HIVEP3: variants seen among roughly 807,000 people sequenced by gnomAD.
HIVEP3 encodes the protein HIVEP zinc finger 3, also known as transcription factor HIVEP3.
Under a neutral mutation model 152.8 loss-of-function variants are expected in HIVEP3, and 49 were observed. The observed-to-expected ratio is 0.32, with a 90% CI of 0.26 to 0.41. The LOEUF is 0.41. Among genes scored for constraint, HIVEP3 ranks in the 10% least tolerant of loss-of-function variants. The probability of loss-of-function intolerance (pLI) is 1.00; values close to 1 mark genes in which losing one functional copy is unlikely to be tolerated. For missense variants in HIVEP3, 2,790 were observed against 3,103.3 expected (o/e 0.90, Z 2.40); for synonymous variants, 1,269 against 1,289.0 (o/e 0.98, Z 0.33).
At chr1:41,827,863 G>T (rs1226853272) in intron 1 of HIVEP3, among the ~76,000 whole-genome samples, 1 of 151,962 alleles carries the variant, frequency 6.6e-6, no homozygotes, top group Non-Finnish European at 1.5e-5. Flanking sequence ...GCAGGGCTTG[G>T]GGGGCATGGG....
intron 1 of HIVEP3, among the ~76,000 whole-genome samples, chr1:41,933,694 T>C (rs949480330): frequency 1.3e-5 from 2 of 152,112 alleles, no homozygotes; most frequent in Non-Finnish European, 2.9e-5. Context: ...AATTAAAATC[T>C]ATTTTGCTAG....
At chr1:41,819,079 T>C (rs1024916465) in intron 1 of HIVEP3, among the ~76,000 whole-genome samples, 3 of 152,212 alleles carry the variant, frequency 2.0e-5, no homozygotes, top group African/African-American at 7.2e-5. Flanking sequence ...CACTAATAAA[T>C]TGTAGAATCG....
intron 5 of HIVEP3, among the ~76,000 whole-genome samples, chr1:41,532,732 G>A (rs1643298845): frequency 6.6e-6 from 1 of 152,146 alleles, no homozygotes; most frequent in Admixed American, 6.5e-5. Flanking sequence ...AGCTTGGGGG[G>A]AAGTGATGGA....
intron 5 of HIVEP3, 75 bp downstream of exon 5, chr1:41,575,466 ACTG>A: frequency 6.6e-7 from 1 of 1,504,766 alleles, no homozygotes; most frequent in East Asian, 2.3e-5. Context: ...CAACTGAGCC[ACTG>A]CTGCCCGTGA....
intron 1 of HIVEP3, among the ~76,000 whole-genome samples, chr1:41,740,152 G>A (rs1367074773): frequency 1.3e-5 from 2 of 152,234 alleles, no homozygotes; most frequent in East Asian, 3.8e-4. Flanking sequence ...GCTGGCCAGT[G>A]GACGGGATGA....
chr1:41,851,271 G>A (rs953638704), intron 1 of HIVEP3, among the ~76,000 whole-genome samples: 1 of 141,670 alleles, frequency 7.1e-6, no homozygotes, highest in Non-Finnish European at 1.5e-5. Context: ...AATGATGAGA[G>A]AGCACCTTCT....
At chr1:41,667,677 T>G (rs898536657) in intron 2 of HIVEP3, among the ~76,000 whole-genome samples, 1 of 152,230 alleles carries the variant, frequency 6.6e-6, no homozygotes, top group East Asian at 1.9e-4. Context: ...TGTGGGTGCA[T>G]GTCCTGGTCC....
chr1:42,034,727 C>T (rs1038201495), intron 1 of HIVEP3, among the ~76,000 whole-genome samples: 2 of 152,182 alleles, frequency 1.3e-5, no homozygotes, highest in African/African-American at 4.8e-5. Context: ...CCTGGTAAAG[C>T]AGACAAGTAT....
intron 1 of HIVEP3, among the ~76,000 whole-genome samples, chr1:41,810,317 C>T (rs1002267804): frequency 2.0e-5 from 3 of 152,166 alleles, no homozygotes; most frequent in African/African-American, 7.2e-5. Context: ...TGAAGAAGTG[C>T]GATCAACCAC....
intron 1 of HIVEP3, among the ~76,000 whole-genome samples, chr1:42,023,927 T>C (rs1460274693): frequency 6.6e-6 from 1 of 152,210 alleles, no homozygotes. Flanking sequence ...TATTGGAAAG[T>C]TTACCCTTTA....
At chr1:41,950,452 A>G (rs796793073) in intron 1 of HIVEP3, among the ~76,000 whole-genome samples, 6 of 152,300 alleles carry the variant, frequency 3.9e-5, no homozygotes, top group African/African-American at 1.4e-4. Context: ...GGAGTAACAC[A>G]TTGGTGATTA....
intron 5 of HIVEP3, among the ~76,000 whole-genome samples, chr1:41,552,596 T>A (rs1643907727): frequency 6.7e-6 from 1 of 148,194 alleles, no homozygotes. Context: ...ATGTGCCACA[T>A]TTTCTTAATC....
chr1:41,929,312 T>A (rs1468337021), intron 1 of HIVEP3, among the ~76,000 whole-genome samples: 1 of 152,214 alleles, frequency 6.6e-6, no homozygotes, highest in Non-Finnish European at 1.5e-5. Flanking sequence ...TAACCCAATA[T>A]ATCCTTACTT....
intron 2 of HIVEP3, among the ~76,000 whole-genome samples, chr1:41,680,468 G>A (rs928025024): frequency 6.6e-6 from 1 of 152,186 alleles, no homozygotes; most frequent in Non-Finnish European, 1.5e-5. Context: ...GCTAGGTGGG[G>A]ATCAGCCTAT....
chr1:41,590,715 C>T (rs185107718), intron 3 of HIVEP3, among the ~76,000 whole-genome samples: 1 of 152,276 alleles, frequency 6.6e-6, no homozygotes, highest in East Asian at 1.9e-4. Context: ...AAGGGTTTGC[C>T]AGAACCCAGG....
At chr1:41,775,603 G>C (rs1648654741) in intron 1 of HIVEP3, among the ~76,000 whole-genome samples, 1 of 152,068 alleles carries the variant, frequency 6.6e-6, no homozygotes, top group South Asian at 2.1e-4. Context: ...CGATTCTCCT[G>C]CCTCAGCCTC....
At chr1:41,958,874 T>A (rs901831648) in intron 1 of HIVEP3, among the ~76,000 whole-genome samples, 1 of 152,132 alleles carries the variant, frequency 6.6e-6, no homozygotes, top group Non-Finnish European at 1.5e-5. Flanking sequence ...ATTAGAAGAC[T>A]GAGGAAATGG....
At chr1:41,793,434 TCA>T (rs1649810618) in intron 1 of HIVEP3, among the ~76,000 whole-genome samples, 1 of 152,088 alleles carries the variant, frequency 6.6e-6, no homozygotes, top group Non-Finnish European at 1.5e-5. Flanking sequence ...GTTCCTAGGG[TCA>T]CACACAGAGG....
chr1:42,022,233 T>C lies in HIVEP3; in HGVS notation n.119+13574A>G, dbSNP rs141342988. The stretch of plus-strand genomic sequence containing the variant: ...CAGAAAATTTCCAGCTACTCATTCA[T>C]ATTTATTCTTAAAGAATCTATGCTT... On this transcript the variant is annotated intron_variant and non_coding_transcript_variant, in intron 1 of 3. Transcript: ENST00000489103. Among the ~76,000 whole-genome samples the C allele has an allele frequency of 2.6e-3, 394 of 152,338 alleles. 3 individuals carry two copies. Among genetic ancestry groups the C allele is most frequent in the African/African-American group, 9.2e-3 (381 of 41,580 alleles).
Sources: gnomAD v4.1 joint callset for allele counts (sites outside exome capture counted in the v4.1 genomes callset) on GRCh38, gnomAD v4.1.1 for gene constraint, MANE v1.5 for transcripts, NCBI Gene and HGNC (gene_info 2026-07-23, HGNC 2026-07-21) for gene names.